The following TGM4 variants were observed in gnomAD, a reference collection of about 807,000 sequenced individuals.
TGM4 encodes transglutaminase 4.
TGM4 carries 61 observed loss-of-function variants against 76.3 expected under a neutral mutation model. The ratio of observed to expected loss-of-function variants is 0.80; its 90% CI spans 0.65 to 0.99. TGM4 has a LOEUF of 0.99. Ranked by LOEUF, TGM4 falls within the 50% of genes least tolerant of loss-of-function variation. The probability of loss-of-function intolerance (pLI) is 0.00; values close to 1 mark genes in which losing one functional copy is unlikely to be tolerated. For synonymous variants in TGM4, 337 were observed against 329.8 expected (o/e 1.02, Z -0.24); for missense variants, 794 against 843.2 (o/e 0.94, Z 0.72).
chr3:44,910,875 T>A (rs980297770), intron 11 of TGM4, 83 bp from the exon 12 acceptor site: 1 of 1,455,760 alleles, frequency 6.9e-7, no homozygotes, highest in Non-Finnish European at 9.4e-7. Flanking sequence ...ACAAAGTTAA[T>A]CTAATTCTGT....
At position 44,909,086 on chromosome 3, in the gene TGM4, T is replaced by A. The variant is rs144827104; in HGVS notation, c.1328-1004T>A. On this transcript the variant is annotated intron_variant, in intron 10 of 13. Coordinates refer to ENST00000296125, the MANE Select transcript of TGM4 (RefSeq NM_003241.4). ...TGAATTCTCTGCTCAGTTTGCTGAA[T>A]GGTCAGCTAATGATTAGATGGATAT... Among the ~76,000 whole-genome samples the A allele has an allele frequency of 2.8e-3, 428 of 152,380 alleles. 1 individual carries two copies. Among genetic ancestry groups the A allele is most frequent in the Non-Finnish European group, 3.7e-3 (251 of 68,032 alleles).
intron 4 of TGM4, 43 bp downstream of exon 4, chr3:44,890,775 C>T (rs371710518): frequency 2.9e-5 from 46 of 1,608,616 alleles, no homozygotes; most frequent in Admixed American, 6.7e-5. Context: ...CAGGTGACCC[C>T]GGCAAAACCT....
chr3:44,893,796 C>A, intron 5 of TGM4, 101 bp downstream of exon 5: 2 of 1,108,398 alleles, frequency 1.8e-6, no homozygotes, highest in South Asian at 1.3e-5. Flanking sequence ...GGGTTGTGAA[C>A]CTCGGGTCAA....
chr3:44,898,689 G>A (rs993417419), intron 6 of TGM4, among the ~76,000 whole-genome samples: 3 of 152,180 alleles, frequency 2.0e-5, no homozygotes, highest in Non-Finnish European at 2.9e-5. Context: ...CTCTTGAAAT[G>A]CCCTCCTTGC....
At chr3:44,886,735 C>G (rs1406798987) in intron 2 of TGM4, among the ~76,000 whole-genome samples, 1 of 152,246 alleles carries the variant, frequency 6.6e-6, no homozygotes, top group African/African-American at 2.4e-5. Flanking sequence ...AGTACCTACT[C>G]TGTGCCAGGG....
At chr3:44,890,949 C>A (rs1271657377) in intron 4 of TGM4, among the ~76,000 whole-genome samples, 2 of 152,164 alleles carry the variant, frequency 1.3e-5, no homozygotes, top group Non-Finnish European at 2.9e-5. Context: ...TCCACTTCTC[C>A]CCAGTGCCTC....
chr3:44,882,851 G>T (rs915205764), intron 1 of TGM4, among the ~76,000 whole-genome samples: 1 of 151,990 alleles, frequency 6.6e-6, no homozygotes, highest in East Asian at 1.9e-4. Context: ...GCATTTTGTC[G>T]AGTGCCTACT....
chr3:44,913,526 C>T (rs1165916352), intron 13 of TGM4, 58 bp from the exon 14 acceptor site: 23 of 1,570,170 alleles, frequency 1.5e-5, no homozygotes, highest in Admixed American at 1.9e-5. Context: ...CTCATCTTCT[C>T]CCTCTTCCCA....
chr3:44,896,995 CTTTTCTT>C (rs1699787928), intron 6 of TGM4, among the ~76,000 whole-genome samples, 179 bp downstream of exon 6: 1 of 128,828 alleles, frequency 7.8e-6, no homozygotes, highest in Non-Finnish European at 1.6e-5. Flanking sequence ...CGCAGGTTTT[CTTTTCTT>C]TTTTTTTTTT....
intron 6 of TGM4, among the ~76,000 whole-genome samples, chr3:44,898,256 G>A (rs1211535680): frequency 7.2e-4 from 105 of 146,278 alleles, no homozygotes; most frequent in Non-Finnish European, 1.3e-3. Context: ...ACTCCAGCCT[G>A]GGTGACAGAG....
chr3:44,899,028 C>T (rs992969391), intron 6 of TGM4: 5 of 152,334 alleles, frequency 3.3e-5, no homozygotes, highest in African/African-American at 1.2e-4. Context: ...CTTCTCCTTT[C>T]AAGCTCCATG....
In TGM4 at chr3:44,913,699, CAGA is replaced by C. The variant is rs1700040541; in HGVS notation, c.2033_2035del (p.Lys678del). 2 of 1,614,034 alleles carry C rather than the reference CAGA, an allele frequency of 1.2e-6. No individual in the cohort carries two copies. Among genetic ancestry groups the C allele is most frequent in the Non-Finnish European group, 1.7e-6 (2 of 1,179,948 alleles). ...CAAACAAGTGAAAGAGATTAATGCTCAGAAGATTGTTCTCATCACCAAGTAGCC... is the reference window on the plus strand; with the variant it reads ...CAAACAAGTGAAAGAGATTAATGCTCAGATTGTTCTCATCACCAAGTAGCC... On this transcript the variant is annotated inframe_deletion, in exon 14 of 14. Coordinates refer to ENST00000296125, the MANE Select transcript of TGM4 (RefSeq NM_003241.4).
intron 3 of TGM4, chr3:44,890,242 C>T (rs541818314): frequency 1.1e-5 from 2 of 188,406 alleles, no homozygotes; most frequent in Admixed American, 1.1e-4. Flanking sequence ...GCCATGTCAG[C>T]ACCTTATGCG....
chr3:44,895,443 A>G (rs761293830), intron 5 of TGM4, among the ~76,000 whole-genome samples: 1 of 152,204 alleles, frequency 6.6e-6, no homozygotes, highest in Non-Finnish European at 1.5e-5. Context: ...CCTGGGCAAC[A>G]TAGGGAGACC....
In TGM4 at chr3:44,901,572, G is replaced by T. The variant is rs767491985; in HGVS notation, c.706G>T (p.Asp236Tyr). ...CGTGCTCATTGGGAATTGGACTGGG[G>T]ACTACGAAGGTGGCACAGCCCCATA... ...QGVLIGNWTG[D>Y]YEGGTAPYKW... The change falls in exon 7 of 14, where the codon GAC becomes TAC. Residue 236 changes from aspartate (D) to tyrosine (Y), a missense_variant. Transcript: ENST00000296125. 2 of 1,613,854 alleles carry T rather than the reference G, an allele frequency of 1.2e-6. No individual in the cohort carries two copies. The highest frequency in any genetic ancestry group is 1.7e-6 in the Non-Finnish European group (2 of 1,179,938).
At chr3:44,884,476 G>A (rs776822655) in intron 1 of TGM4, among the ~76,000 whole-genome samples, 8 of 152,034 alleles carry the variant, frequency 5.3e-5, no homozygotes, top group Non-Finnish European at 1.2e-4. Context: ...TAGCATTGAA[G>A]AAAAAAATCC....
chr3:44,882,758 C>T (rs1699551115), intron 1 of TGM4, among the ~76,000 whole-genome samples: 1 of 152,224 alleles, frequency 6.6e-6, no homozygotes, highest in Non-Finnish European at 1.5e-5. Flanking sequence ...AGGTCACATT[C>T]ATAGGCTCCA....
intron 9 of TGM4, among the ~76,000 whole-genome samples, chr3:44,906,298 T>G (rs1699921272): frequency 6.6e-6 from 1 of 152,190 alleles, no homozygotes; most frequent in African/African-American, 2.4e-5. Flanking sequence ...ACTGAGGAAC[T>G]ATCAGTCAAG....
At chr3:44,900,629 C>T (rs4682756) in intron 6 of TGM4, among the ~76,000 whole-genome samples, 72,748 of 152,022 alleles carry the variant, frequency 0.48, 17,982 homozygotes, top group East Asian at 0.83. Context: ...TTGCAAAGGA[C>T]GTTAGTGTGC....
Sources: allele counts gnomAD v4.1 joint callset (sites outside exome capture counted in the v4.1 genomes callset), GRCh38; gene constraint gnomAD v4.1.1; transcripts MANE v1.5; gene names NCBI Gene and HGNC (gene_info 2026-07-23, HGNC 2026-07-21).